CADM2: variants seen among roughly 807,000 people sequenced by gnomAD.
The protein encoded by CADM2 is cell adhesion molecule 2.
CADM2 carries 12 observed loss-of-function variants against 49.8 expected under a neutral mutation model. The observed-to-expected ratio is 0.24, with a 90% CI of 0.15 to 0.39. The LOEUF (loss-of-function observed/expected upper bound fraction) is 0.39, where lower values mean the gene tolerates loss of function less well. CADM2 is among the 10% of genes least tolerant of loss of function. The probability of loss-of-function intolerance (pLI) is 1.00; values close to 1 mark genes in which losing one functional copy is unlikely to be tolerated. For missense variants in CADM2, 378 were observed against 492.3 expected (o/e 0.77, Z 2.20); for synonymous variants, 214 against 175.4 (o/e 1.22, Z -1.74).
chr3:85,416,144 T>C (rs2035909807), intron 1 of CADM2, among the ~76,000 whole-genome samples: 1 of 152,134 alleles, frequency 6.6e-6, no homozygotes, highest in African/African-American at 2.4e-5. Flanking sequence ...TAAAATTGTA[T>C]TCTTTTGTAA....
At chr3:85,886,694 A>C (rs2108402884) in intron 5 of CADM2, among the ~76,000 whole-genome samples, 1 of 152,300 alleles carries the variant, frequency 6.6e-6, no homozygotes, top group South Asian at 2.1e-4. Flanking sequence ...AAGACAGAGA[A>C]ACTGTATAAA....
chr3:85,323,525 A>C (rs1275795309), intron 1 of CADM2, among the ~76,000 whole-genome samples: 1 of 152,146 alleles, frequency 6.6e-6, no homozygotes, highest in African/African-American at 2.4e-5. Context: ...TGACCTATGC[A>C]TCACACTGCC....
chr3:85,264,234 G>A (rs561635150), intron 1 of CADM2, among the ~76,000 whole-genome samples: 1 of 152,190 alleles, frequency 6.6e-6, no homozygotes, highest in Non-Finnish European at 1.5e-5. Flanking sequence ...CTCCAAACCT[G>A]TGTTCTGAGT....
intron 8 of CADM2, chr3:86,014,302 T>G: frequency 7.4e-7 from 1 of 1,353,444 alleles, no homozygotes; most frequent in Non-Finnish European, 1.0e-6. Context: ...CTTAAAAATG[T>G]CCTATCTTTT....
chr3:85,522,994 A>G (rs2061061854), intron 1 of CADM2, among the ~76,000 whole-genome samples: 1 of 81,728 alleles, frequency 1.2e-5, no homozygotes, highest in Non-Finnish European at 2.8e-5. Flanking sequence ...CTTTTCCAAG[A>G]AAAAAAAAAA....
At chr3:85,945,002 A>G (rs1722474292) in intron 7 of CADM2, among the ~76,000 whole-genome samples, 1 of 152,130 alleles carries the variant, frequency 6.6e-6, no homozygotes, top group Non-Finnish European at 1.5e-5. Context: ...GGTTTTTTCA[A>G]GAGATCAACA....
intron 3 of CADM2, among the ~76,000 whole-genome samples, chr3:85,857,397 T>C (rs1466864354): frequency 6.6e-6 from 1 of 152,142 alleles, no homozygotes; most frequent in Admixed American, 6.6e-5. Context: ...TAGGGAATCT[T>C]GGGTTTAACA....
intron 8 of CADM2, among the ~76,000 whole-genome samples, chr3:86,038,695 C>A (rs1021800025): frequency 2.0e-5 from 3 of 152,110 alleles, no homozygotes; most frequent in African/African-American, 2.4e-5. Context: ...TGGGTGAACC[C>A]TTTATATAAG....
In CADM2 at chr3:85,613,633, C is replaced by A. The variant is rs147148355; in HGVS notation, c.62-112889C>A. Among the ~76,000 whole-genome samples, 1,074 of 151,524 alleles carry A rather than the reference C, an allele frequency of 7.1e-3. 4 individuals are homozygous for A. The highest frequency in any genetic ancestry group is 9.9e-3 in the Non-Finnish European group (670 of 67,680). On this transcript the variant is annotated intron_variant, in intron 1 of 9. Coordinates refer to ENST00000383699, the MANE Select transcript of CADM2 (RefSeq NM_001167675.2). Reference sequence around the variant, plus strand: ...TGAGAATGACACTTTATAATAATAACTAATATAATTTTTAATTTATTTTTA... The same window carrying A: ...TGAGAATGACACTTTATAATAATAAATAATATAATTTTTAATTTATTTTTA...
intron 5 of CADM2, among the ~76,000 whole-genome samples, chr3:85,888,883 T>A (rs1466704714): frequency 6.6e-6 from 1 of 152,158 alleles, no homozygotes; most frequent in Non-Finnish European, 1.5e-5. Flanking sequence ...TTTGTCTTTT[T>A]AGGGATAAAA....
chr3:85,344,294 T>C (rs969176654), intron 1 of CADM2, among the ~76,000 whole-genome samples: 12 of 151,474 alleles, frequency 7.9e-5, no homozygotes, highest in African/African-American at 2.9e-4. Flanking sequence ...GGCAGGAGAA[T>C]TGCTTGAACT....
chr3:85,856,383 G>A (rs1186814674), intron 3 of CADM2, among the ~76,000 whole-genome samples: 1 of 152,024 alleles, frequency 6.6e-6, no homozygotes, highest in African/African-American at 2.4e-5. Context: ...TTTTCATAAC[G>A]GATCTATTGG....
intron 1 of CADM2, among the ~76,000 whole-genome samples, chr3:84,974,495 C>T (rs939803026): frequency 6.6e-6 from 1 of 151,286 alleles, no homozygotes; most frequent in East Asian, 2.0e-4. Flanking sequence ...ATTAAGTTTT[C>T]CTAAGTCAGA....
rs1328499800 is a variant in CADM2 at position 85,036,838 on chromosome 3, A to G, written c.61+77170A>G. Among the ~76,000 whole-genome samples the G allele has an allele frequency of 7.4e-4, 113 of 151,924 alleles. 1 individual carries two copies. Among genetic ancestry groups the G allele is most frequent in the Non-Finnish European group, 5.9e-5 (4 of 67,964 alleles). ...TGACTATGGTATTTCTGGTAAAACTACATTATGGGATTGCTATTAAGATAT... is the reference window on the plus strand; with the variant it reads ...TGACTATGGTATTTCTGGTAAAACTGCATTATGGGATTGCTATTAAGATAT... On this transcript the variant is annotated intron_variant, in intron 1 of 9. Transcript: ENST00000383699.
At chr3:85,897,587 T>C (rs892229143) in intron 5 of CADM2, among the ~76,000 whole-genome samples, 2 of 152,150 alleles carry the variant, frequency 1.3e-5, no homozygotes, top group Non-Finnish European at 2.9e-5. Context: ...ATCTTAGTAA[T>C]AGTCTCTGGC....
At chr3:85,951,888 G>T (rs1301781238) in intron 7 of CADM2, among the ~76,000 whole-genome samples, 1 of 150,904 alleles carries the variant, frequency 6.6e-6, no homozygotes, top group African/African-American at 2.4e-5. Context: ...ATAATGGATG[G>T]AGAAAGGGAA....
chr3:85,891,852 C>A (rs1714474667), intron 5 of CADM2, among the ~76,000 whole-genome samples: 1 of 152,218 alleles, frequency 6.6e-6, no homozygotes, highest in South Asian at 2.1e-4. Context: ...CCCCAGCTAA[C>A]ATCTTTATTT....
chr3:86,048,477 T>C (rs1736940903), intron 8 of CADM2, among the ~76,000 whole-genome samples: 1 of 152,072 alleles, frequency 6.6e-6, no homozygotes. Context: ...ATCAAAATGA[T>C]ATTAATGGCT....
intron 1 of CADM2, among the ~76,000 whole-genome samples, chr3:85,356,810 A>T (rs2031900821): frequency 6.6e-6 from 1 of 152,156 alleles, no homozygotes; most frequent in Non-Finnish European, 1.5e-5. Context: ...GTAAAGCAGC[A>T]CCTGGAAGTT....
Sources: allele counts gnomAD v4.1 joint callset (sites outside exome capture counted in the v4.1 genomes callset), GRCh38; gene constraint gnomAD v4.1.1; transcripts MANE v1.5; gene names NCBI Gene and HGNC (gene_info 2026-07-23, HGNC 2026-07-21).